Variants in EYS observed in about 807,000 individuals in gnomAD.
The protein encoded by EYS is protein eyes shut homolog.
A neutral mutation model predicts 282.1 loss-of-function variants in EYS; 250 were observed. That is an observed-to-expected ratio of 0.89 (90% CI 0.80 to 0.98). The LOEUF (loss-of-function observed/expected upper bound fraction) is 0.98. Ranked by LOEUF, EYS falls within the 50% of genes least tolerant of loss-of-function variation. The probability of loss-of-function intolerance (pLI) is 0.00; values close to 1 mark genes in which losing one functional copy is unlikely to be tolerated. For missense variants in EYS, 4,016 were observed against 3,709.0 expected, an observed-to-expected ratio of 1.08 and a Z score of -2.15; for synonymous variants, 1,355 against 1,282.9, an observed-to-expected ratio of 1.06 and a Z score of -1.20.
At chr6:65,187,379 T>C (rs988205784) in intron 12 of EYS, among the ~76,000 whole-genome samples, 1 of 151,684 alleles carries the variant, frequency 6.6e-6, no homozygotes, top group African/African-American at 2.4e-5. Flanking sequence ...AGTATTAAAA[T>C]AGCACGCATT....
rs528558999 is a variant in EYS at position 64,376,460 on chromosome 6, A to T, written c.6078+12230T>A. ...AAACTGGAATAAAAGGAGGCTGAAGAATCTGAAATAAGTCGGTGACATAAT... is the reference window on the plus strand; with the variant it reads ...AAACTGGAATAAAAGGAGGCTGAAGTATCTGAAATAAGTCGGTGACATAAT... On this transcript the variant is annotated intron_variant, in intron 29 of 42. Transcript: ENST00000503581. Among the ~76,000 whole-genome samples, 9 of 152,320 alleles carry T rather than the reference A, an allele frequency of 5.9e-5. 1 individual carries two copies. In the South Asian group the frequency reaches 1.9e-3, roughly 32 times the overall value.
chr6:64,667,794 T>C (rs1430646634), intron 22 of EYS, among the ~76,000 whole-genome samples: 1 of 152,182 alleles, frequency 6.6e-6, no homozygotes, highest in Non-Finnish European at 1.5e-5. Flanking sequence ...AATGAATAAA[T>C]TCATACACAA....
chr6:65,165,411 T>C (rs887203467), intron 12 of EYS, among the ~76,000 whole-genome samples: 3 of 151,024 alleles, frequency 2.0e-5, no homozygotes, highest in African/African-American at 7.3e-5. Flanking sequence ...ATTCAGAAAA[T>C]ATATCATATG....
chr6:64,084,286 T>G (rs1047131669), intron 31 of EYS, among the ~76,000 whole-genome samples: 3 of 151,220 alleles, frequency 2.0e-5, no homozygotes, highest in Non-Finnish European at 4.4e-5. Context: ...TTCAAACTCT[T>G]GTTGTTGACA....
intron 39 of EYS, among the ~76,000 whole-genome samples, chr6:63,779,901 C>T (rs1770169406): frequency 6.6e-6 from 1 of 152,086 alleles, no homozygotes; most frequent in South Asian, 2.1e-4. Context: ...TCCGCACTCC[C>T]CCGACCCCAT....
chr6:65,695,826 A>G (rs995039293), intron 1 of EYS, among the ~76,000 whole-genome samples: 6 of 152,022 alleles, frequency 3.9e-5, no homozygotes, highest in Admixed American at 3.9e-4. Flanking sequence ...ATATAATTAC[A>G]AAGTAGCAAT....
intron 35 of EYS, among the ~76,000 whole-genome samples, chr6:63,953,962 A>G (rs1283379430): frequency 2.6e-5 from 4 of 151,720 alleles, no homozygotes; most frequent in Middle Eastern, 3.4e-3. Flanking sequence ...TGCTCAACTG[A>G]CTCTCTACAG....
At chr6:64,015,539 A>C (rs553811314) in intron 33 of EYS, among the ~76,000 whole-genome samples, 4 of 152,358 alleles carry the variant, frequency 2.6e-5, no homozygotes, top group African/African-American at 9.6e-5. Context: ...TAACACAATA[A>C]AGGATAAAAG....
At chr6:63,807,840 G>A (rs1457812757) in intron 36 of EYS, among the ~76,000 whole-genome samples, 2 of 151,740 alleles carry the variant, frequency 1.3e-5, no homozygotes, top group Non-Finnish European at 2.9e-5. Context: ...GTACTATGGG[G>A]AGGGTGATTG....
intron 19 of EYS, among the ~76,000 whole-genome samples, chr6:64,855,162 G>A (rs1184453159): frequency 6.6e-6 from 1 of 151,886 alleles, no homozygotes; most frequent in Non-Finnish European, 1.5e-5. Context: ...CACCGCGTTT[G>A]TGTGTGTGTA....
chr6:65,136,008 T>C (rs1393056760), intron 12 of EYS, among the ~76,000 whole-genome samples: 1 of 152,078 alleles, frequency 6.6e-6, no homozygotes, highest in Non-Finnish European at 1.5e-5. Flanking sequence ...ACATTAACTT[T>C]CATGGCAGAA....
intron 16 of EYS, among the ~76,000 whole-genome samples, chr6:64,911,307 C>T (rs1010038281): frequency 6.6e-6 from 1 of 152,024 alleles, no homozygotes; most frequent in African/African-American, 2.4e-5. Flanking sequence ...AATATTCTCT[C>T]ATATGCTCTA....
intron 12 of EYS, among the ~76,000 whole-genome samples, chr6:65,130,040 G>A (rs774874105): frequency 6.6e-6 from 1 of 151,866 alleles, no homozygotes; most frequent in Non-Finnish European, 1.5e-5. Flanking sequence ...ATTATACTAA[G>A]TGAAGTAATG....
chr6:63,953,168 G>T (rs888535029), intron 35 of EYS, among the ~76,000 whole-genome samples: 1 of 152,074 alleles, frequency 6.6e-6, no homozygotes, highest in Non-Finnish European at 1.5e-5. Flanking sequence ...CCTCATCCCA[G>T]CCTGTTTTTG....
intron 2 of EYS, among the ~76,000 whole-genome samples, chr6:65,601,449 C>T (rs1414116387): frequency 1.3e-5 from 2 of 151,776 alleles, no homozygotes; most frequent in Non-Finnish European, 2.9e-5. Context: ...CACAGAGATA[C>T]CAGCACCAAT....
At chr6:63,954,055 C>A (rs1765711109) in intron 35 of EYS, among the ~76,000 whole-genome samples, 1 of 152,220 alleles carries the variant, frequency 6.6e-6, no homozygotes, top group Non-Finnish European at 1.5e-5. Context: ...GCCATACTCA[C>A]TCTTTGTTGA....
intron 35 of EYS, among the ~76,000 whole-genome samples, chr6:63,967,908 C>T (rs560854180): frequency 6.6e-6 from 1 of 152,244 alleles, no homozygotes; most frequent in South Asian, 2.1e-4. Flanking sequence ...CCCTCAAAAA[C>T]AAATTTTGAG....
At chr6:64,552,187 G>A (rs1333334049) in intron 26 of EYS, among the ~76,000 whole-genome samples, 3 of 152,118 alleles carry the variant, frequency 2.0e-5, no homozygotes, top group Non-Finnish European at 4.4e-5. Context: ...GGCACAGCTG[G>A]CCAGCATTAA....
intron 31 of EYS, among the ~76,000 whole-genome samples, chr6:64,129,773 G>T (rs909711586): frequency 4.6e-5 from 7 of 152,090 alleles, no homozygotes; most frequent in African/African-American, 7.2e-5. Context: ...GGTCTAACAT[G>T]TAAGTCTTTA....
Sources: gnomAD v4.1 joint callset for allele counts (sites outside exome capture counted in the v4.1 genomes callset) on GRCh38, gnomAD v4.1.1 for gene constraint, MANE v1.5 for transcripts, NCBI Gene and HGNC (gene_info 2026-07-23, HGNC 2026-07-21) for gene names.